CAST: variants seen among roughly 807,000 people sequenced by gnomAD.
The protein encoded by CAST is MIR583 host.
CAST carries 76 observed loss-of-function variants against 119.6 expected under a neutral mutation model. The observed-to-expected ratio is 0.64, with a 90% CI of 0.53 to 0.77. The LOEUF (loss-of-function observed/expected upper bound fraction) is 0.77, where lower values mean the gene tolerates loss of function less well. Among genes scored for constraint, CAST ranks in the 30% least tolerant of loss-of-function variants. The probability of loss-of-function intolerance (pLI) is 0.00; values close to 1 mark genes in which losing one functional copy is unlikely to be tolerated. For missense variants in CAST, 953 were observed against 946.5 expected, an observed-to-expected ratio of 1.01 and a Z score of -0.09; for synonymous variants, 319 against 331.6, an observed-to-expected ratio of 0.96 and a Z score of 0.41.
intron 1 of CAST, among the ~76,000 whole-genome samples, chr5:96,530,401 G>A (rs1458760885): frequency 6.6e-6 from 1 of 152,170 alleles, no homozygotes; most frequent in Non-Finnish European, 1.5e-5. Context: ...CACTATATTG[G>A]AGAGGGTGAT....
chr5:96,474,844 C>T, the CAST span, among the ~76,000 whole-genome samples: 1 of 152,048 alleles, frequency 6.6e-6, no homozygotes, highest in Non-Finnish European at 1.5e-5. Context: ...TCAGGGATTG[C>T]CTTTGAATAA....
the CAST span, among the ~76,000 whole-genome samples, chr5:96,146,919 C>G: frequency 6.6e-6 from 1 of 152,312 alleles, no homozygotes; most frequent in East Asian, 1.9e-4. Context: ...CTGCCTCAGT[C>G]AAGAAGTGAC....
chr5:96,617,895 A>ATCTGGTG (rs1342660655), intron 1 of CAST, among the ~76,000 whole-genome samples: 1 of 141,816 alleles, frequency 7.1e-6, no homozygotes, highest in Non-Finnish European at 1.5e-5. Flanking sequence ...AAGCAGTTCT[A>ATCTGGTG]TCTGGTGTCT....
chr5:96,732,500 T>G (rs370889097), intron 9 of CAST, among the ~76,000 whole-genome samples: 1,707 of 132,974 alleles, frequency 0.013, 45 homozygotes, highest in African/African-American at 0.046. Context: ...AGAAGCTCTT[T>G]AGTTTAATTA....
At chr5:96,491,604 A>G in the CAST span, among the ~76,000 whole-genome samples, 2 of 152,144 alleles carry the variant, frequency 1.3e-5, no homozygotes, top group African/African-American at 4.8e-5. Flanking sequence ...ACCATGTTAG[A>G]AAACTGACGG....
At chr5:96,484,190 C>T in the CAST span, among the ~76,000 whole-genome samples, 1 of 152,118 alleles carries the variant, frequency 6.6e-6, no homozygotes. Flanking sequence ...GATTGAATTT[C>T]TCTAAGCCTA....
chr5:96,616,426 G>A (rs1002921814), intron 1 of CAST, among the ~76,000 whole-genome samples: 1 of 152,174 alleles, frequency 6.6e-6, no homozygotes, highest in South Asian at 2.1e-4. Flanking sequence ...CTGACAAGAA[G>A]CTTCTAGAAG....
the CAST span, among the ~76,000 whole-genome samples, chr5:96,354,908 G>A: frequency 6.6e-6 from 1 of 150,518 alleles, no homozygotes; most frequent in African/African-American, 2.4e-5. Flanking sequence ...TTTTAATATT[G>A]CATTTTCAAT....
chr5:96,062,839 T>C, the CAST span, among the ~76,000 whole-genome samples: 3 of 152,048 alleles, frequency 2.0e-5, no homozygotes, highest in African/African-American at 4.8e-5. Flanking sequence ...TGTCCCGCAG[T>C]GATGAGGTCT....
the CAST span, among the ~76,000 whole-genome samples, chr5:96,068,683 ATAAT>A: frequency 2.6e-5 from 4 of 151,682 alleles, no homozygotes; most frequent in Non-Finnish European, 5.9e-5. Flanking sequence ...TCATGTATAT[ATAAT>A]TAAACATATA....
the CAST span, among the ~76,000 whole-genome samples, chr5:96,306,263 A>G: frequency 6.6e-6 from 1 of 152,140 alleles, no homozygotes; most frequent in African/African-American, 2.4e-5. Context: ...GTCTGATGGT[A>G]GTTTGTATTT....
At chr5:95,995,994 A>G in the CAST span, among the ~76,000 whole-genome samples, 1 of 152,138 alleles carries the variant, frequency 6.6e-6, no homozygotes, top group Non-Finnish European at 1.5e-5. Context: ...TAGCAGCTCA[A>G]AATCTTTTGA....
At chr5:96,400,592 A>G in the CAST span, among the ~76,000 whole-genome samples, 1 of 152,190 alleles carries the variant, frequency 6.6e-6, no homozygotes, top group Non-Finnish European at 1.5e-5. Context: ...AGCATTATGA[A>G]CCCACAGACG....
At chr5:95,990,673 T>C in the CAST span, among the ~76,000 whole-genome samples, 1 of 152,144 alleles carries the variant, frequency 6.6e-6, no homozygotes, top group African/African-American at 2.4e-5. Context: ...TAAAAATGAT[T>C]ATGTGAATAT....
the CAST span, among the ~76,000 whole-genome samples, chr5:96,463,987 G>T: frequency 6.6e-6 from 1 of 152,078 alleles, no homozygotes; most frequent in Non-Finnish European, 1.5e-5. Context: ...GAAAATTTTG[G>T]AGGAGGATGA....
At chr5:96,614,577 CATTCACTGTGGGGAACGGGAAGCT>C (rs1747420145) in intron 1 of CAST, among the ~76,000 whole-genome samples, 1 of 152,112 alleles carries the variant, frequency 6.6e-6, no homozygotes, top group Non-Finnish European at 1.5e-5. Context: ...GGAAATGATT[CATTCACTGTGGGGAACGGGAAGCT>C]ATTCAGGCAG....
At chr5:96,592,332 T>C (rs7707269) in intron 1 of CAST, among the ~76,000 whole-genome samples, 65,719 of 149,966 alleles carry the variant, frequency 0.44, 15,518 homozygotes, top group East Asian at 0.67. Flanking sequence ...GCCCGGGAGG[T>C]GGAGGTTGCA....
chr5:96,178,882 G>C, the CAST span, among the ~76,000 whole-genome samples: 2 of 152,116 alleles, frequency 1.3e-5, no homozygotes, highest in African/African-American at 4.8e-5. Flanking sequence ...TCATTCAACA[G>C]GTTCAAACTC....
Position 96,654,081 on chromosome 5 carries a change from T to G in CAST, c.61-21458T>G, listed in dbSNP as rs564770795. ...ACTCTGTTGCCCAGCTGGAGTGCAG[T>G]GGTGCGATCTCAGCTCACTGCAACC... On this transcript the variant is annotated intron_variant, in intron 1 of 11. Coordinates refer to the CAST transcript ENST00000505143. Among the ~76,000 whole-genome samples the G allele has an allele frequency of 1.2e-4, 18 of 150,588 alleles. 1 individual carries two copies. In the South Asian group the frequency reaches 3.8e-3, roughly 32 times the overall value.
Sources: allele counts gnomAD v4.1 joint callset (sites outside exome capture counted in the v4.1 genomes callset), GRCh38; gene constraint gnomAD v4.1.1; transcripts MANE v1.5; gene names NCBI Gene and HGNC (gene_info 2026-07-23, HGNC 2026-07-21).